The following DCDC1 variants were observed in gnomAD, a reference collection of about 807,000 sequenced individuals.
The protein encoded by DCDC1 is doublecortin domain-containing protein 1.
DCDC1 carries 200 observed loss-of-function variants against 178.3 expected under a neutral mutation model. The ratio of observed to expected loss-of-function variants is 1.12; its 90% CI spans 1.00 to 1.26. DCDC1 has a LOEUF of 1.26. DCDC1 is among the 50% of genes most tolerant of loss of function. DCDC1 has a pLI of 0.00. For synonymous variants in DCDC1, 690 were observed against 604.8 expected, an observed-to-expected ratio of 1.14 and a Z score of -2.07; for missense variants, 1,983 against 1,749.2, an observed-to-expected ratio of 1.13 and a Z score of -2.38.
chr11:31,315,306 C>CTTTTTTTT (rs72156406), intron 3 of DCDC1, among the ~76,000 whole-genome samples: 6 of 62,210 alleles, frequency 9.6e-5, no homozygotes, highest in Non-Finnish European at 1.4e-4. Flanking sequence ...TTTGCATACC[C>CTTTTTTTT]TTTTTTTTTT....
Position 30,984,263 on chromosome 11 carries a change from G to A in DCDC1, c.2592-31695C>T, listed in dbSNP as rs191160956. Reference sequence around the variant, plus strand: ...CGCAGGTGTGTGTTTGGGCACGTGTGTATACAGAACTGTGTCACTGGGCCT... The same window carrying A: ...CGCAGGTGTGTGTTTGGGCACGTGTATATACAGAACTGTGTCACTGGGCCT... On this transcript the variant is annotated intron_variant, in intron 20 of 38. Transcript: ENST00000684477. Among the ~76,000 whole-genome samples, 101 of 152,120 alleles carry A rather than the reference G, an allele frequency of 6.6e-4. 1 individual carries two copies. Among genetic ancestry groups the A allele is most frequent in the Non-Finnish European group, 8.2e-4 (56 of 67,984 alleles).
At chr11:30,886,186 A>G (rs1565026207) in intron 36 of DCDC1, among the ~76,000 whole-genome samples, 1 of 152,088 alleles carries the variant, frequency 6.6e-6, no homozygotes, top group Non-Finnish European at 1.5e-5. Context: ...TTTGTGGATG[A>G]TGTAATTTTC....
At chr11:31,230,614 A>T (rs1224552533) in intron 9 of DCDC1, among the ~76,000 whole-genome samples, 1 of 152,152 alleles carries the variant, frequency 6.6e-6, no homozygotes, top group East Asian at 1.9e-4. Context: ...CATCTGTCTC[A>T]AAGGACCACC....
intron 21 of DCDC1, among the ~76,000 whole-genome samples, chr11:30,935,609 A>G (rs1235596882): frequency 1.3e-5 from 2 of 151,490 alleles, no homozygotes; most frequent in African/African-American, 4.9e-5. Flanking sequence ...GCTGGAGTAC[A>G]ATGGTGCAAT....
chr11:31,178,470 G>C (rs747082508), intron 9 of DCDC1, among the ~76,000 whole-genome samples: 1 of 152,110 alleles, frequency 6.6e-6, no homozygotes, highest in African/African-American at 2.4e-5. Context: ...GCTCTGCAAA[G>C]ATTTTTAAAA....
At chr11:31,120,395 G>A (rs929778879) in intron 11 of DCDC1, among the ~76,000 whole-genome samples, 32 of 152,112 alleles carry the variant, frequency 2.1e-4, no homozygotes, top group South Asian at 6.2e-4. Context: ...AAGAGTTCTG[G>A]AAGTTGTCAT....
chr11:31,176,477 A>G (rs1021843155), intron 9 of DCDC1, among the ~76,000 whole-genome samples: 12 of 152,210 alleles, frequency 7.9e-5, no homozygotes, highest in African/African-American at 1.2e-4. Flanking sequence ...AAGAAAATCT[A>G]TTTAACAAAA....
At chr11:30,901,414 T>C (rs746733530) in intron 32 of DCDC1, among the ~76,000 whole-genome samples, 24 of 152,188 alleles carry the variant, frequency 1.6e-4, no homozygotes, top group Admixed American at 3.3e-4. Flanking sequence ...AGCTGGGTGA[T>C]GGCAGAGTAA....
At chr11:31,115,981 T>TGGGGGGGGGGGG (rs548179744) in intron 11 of DCDC1, among the ~76,000 whole-genome samples, 6 of 38,098 alleles carry the variant, frequency 1.6e-4, no homozygotes, top group Non-Finnish European at 2.2e-4. Context: ...GCTGTGGCAG[T>TGGGGGGGGGGGG]GGGGGGGGGG....
At chr11:31,313,075 C>G (rs567044005) in intron 3 of DCDC1, among the ~76,000 whole-genome samples, 1 of 151,862 alleles carries the variant, frequency 6.6e-6, no homozygotes, top group African/African-American at 2.4e-5. Context: ...ATATTAAAAC[C>G]TACTGGTTCT....
chr11:31,208,736 T>C (rs943159981), intron 9 of DCDC1, among the ~76,000 whole-genome samples: 1 of 152,012 alleles, frequency 6.6e-6, no homozygotes, highest in African/African-American at 2.4e-5. Flanking sequence ...CACCACTCTG[T>C]CCTACACCAG....
chr11:31,307,068 C>T (rs1254693783), intron 4 of DCDC1, among the ~76,000 whole-genome samples: 6 of 152,002 alleles, frequency 3.9e-5, no homozygotes, highest in Non-Finnish European at 8.8e-5. Flanking sequence ...ATTTGTAATG[C>T]CACAGAAGAA....
intron 9 of DCDC1, among the ~76,000 whole-genome samples, chr11:31,177,687 TC>T: frequency 6.6e-6 from 1 of 152,204 alleles, no homozygotes; most frequent in South Asian, 2.1e-4. Flanking sequence ...CACATAACAT[TC>T]CATGAAAATG....
At chr11:31,347,267 A>G (rs1463442724) in intron 1 of DCDC1, among the ~76,000 whole-genome samples, 1 of 152,212 alleles carries the variant, frequency 6.6e-6, no homozygotes, top group Non-Finnish European at 1.5e-5. Context: ...TAATTCCTTC[A>G]CAGTGAACTA....
intron 20 of DCDC1, among the ~76,000 whole-genome samples, chr11:31,061,766 T>C (rs1199772873): frequency 3.9e-5 from 6 of 152,064 alleles, no homozygotes; most frequent in Admixed American, 3.9e-4. Context: ...TCTCTACTTG[T>C]TTTCAGAACA....
rs1363040976 is a variant in DCDC1 at position 30,864,582 on chromosome 11, C to T, written c.*791G>A. 6.6e-6 allele frequency: 1 copy of T among 152,252 alleles called. No individual in the cohort carries two copies. The highest frequency in any genetic ancestry group is 2.4e-5 in the African/African-American group (1 of 41,464). 9.4% of individuals were successfully genotyped at this position (152,252 alleles called of 1,614,324 possible). ...GCGGCTCAGGCCAAGAGTAGAAGAA[C>T]TGAACCTCATGTCCCCATCATGTTG... On this transcript the variant is annotated 3_prime_UTR_variant, in exon 39 of 39. Transcript: ENST00000684477.
intron 18 of DCDC1, among the ~76,000 whole-genome samples, chr11:31,071,714 T>C (rs868755988): frequency 6.6e-6 from 1 of 152,180 alleles, no homozygotes; most frequent in African/African-American, 2.4e-5. Flanking sequence ...GCAGAAGTGG[T>C]GGATGCCACT....
chr11:31,261,818 G>C (rs1944805974), intron 8 of DCDC1, among the ~76,000 whole-genome samples: 1 of 152,124 alleles, frequency 6.6e-6, no homozygotes, highest in Non-Finnish European at 1.5e-5. Context: ...TTCTACTGTA[G>C]AAAGGATAGA....
intron 1 of DCDC1, among the ~76,000 whole-genome samples, chr11:31,366,752 AGC>A (rs1228578382): frequency 1.3e-5 from 2 of 152,222 alleles, no homozygotes; most frequent in African/African-American, 4.8e-5. Flanking sequence ...CAGATGCTGC[AGC>A]CAAGGAGATG....
Sources: gnomAD v4.1 joint callset for allele counts (sites outside exome capture counted in the v4.1 genomes callset) on GRCh38, gnomAD v4.1.1 for gene constraint, MANE v1.5 for transcripts, NCBI Gene and HGNC (gene_info 2026-07-23, HGNC 2026-07-21) for gene names.